The following NSMCE2 variants were observed in gnomAD, a reference collection of about 807,000 sequenced individuals.
NSMCE2 encodes E3 SUMO-protein ligase NSE2.
A neutral mutation model predicts 23.8 loss-of-function variants in NSMCE2; 24 were observed. The observed-to-expected ratio is 1.01, with a 90% CI of 0.73 to 1.42. The LOEUF (loss-of-function observed/expected upper bound fraction) is 1.42. Ranked by LOEUF, NSMCE2 falls within the 40% of genes most tolerant of loss-of-function variation. The pLI, the probability that NSMCE2 is intolerant of heterozygous loss-of-function variation, is 0.00. For missense variants in NSMCE2, 284 were observed against 296.5 expected (o/e 0.96, Z 0.31); for synonymous variants, 92 against 94.1 (o/e 0.98, Z 0.13).
rs71295847 is a variant in NSMCE2 at position 125,333,505 on chromosome 8, CTTTTTTTTTT to C, written c.419-23696_419-23687del. ...TTCTAATGTAGTTTTCCTGGTGGTT[CTTTTTTTTTT>C]TTTTTTTTTTTTTTTTTGAGACGGA... is the stretch of plus-strand genomic sequence containing the variant. On this transcript the variant is annotated intron_variant, in intron 5 of 7. Coordinates refer to ENST00000287437, the MANE Select transcript of NSMCE2 (RefSeq NM_173685.4). Among the ~76,000 whole-genome samples the C allele has an allele frequency of 1.3e-4, 6 of 45,628 alleles. 1 individual carries two copies. Among genetic ancestry groups the C allele is most frequent in the African/African-American group, 3.8e-4 (4 of 10,594 alleles). The allele number at this position is 45,628 out of a possible 152,430, so 29.9% of individuals were successfully genotyped here.
intron 5 of NSMCE2, among the ~76,000 whole-genome samples, chr8:125,322,518 A>G (rs866549578): frequency 6.6e-6 from 1 of 152,238 alleles, no homozygotes; most frequent in African/African-American, 2.4e-5. Flanking sequence ...ATATAACATC[A>G]TACTTCATGG....
At chr8:125,094,271 A>G (rs1000810062) in intron 1 of NSMCE2, among the ~76,000 whole-genome samples, 3 of 152,208 alleles carry the variant, frequency 2.0e-5, no homozygotes, top group Admixed American at 2.0e-4. Flanking sequence ...GATAGTCACT[A>G]ACAAAGTGGA....
intron 5 of NSMCE2, among the ~76,000 whole-genome samples, chr8:125,306,654 C>A (rs889099930): frequency 2.0e-5 from 3 of 152,172 alleles, no homozygotes; most frequent in African/African-American, 7.2e-5. Context: ...AATTCCCAAG[C>A]CTTCATATTG....
chr8:125,311,420 T>C (rs1828968961), intron 5 of NSMCE2, among the ~76,000 whole-genome samples: 1 of 152,246 alleles, frequency 6.6e-6, no homozygotes, highest in South Asian at 2.1e-4. Context: ...ACCTTGGACT[T>C]TCAAAAACAT....
chr8:125,213,728 C>CCTTCCTTCCTTCCTTATTTT (rs1370455100), intron 5 of NSMCE2, among the ~76,000 whole-genome samples: 17 of 148,784 alleles, frequency 1.1e-4, no homozygotes, highest in Non-Finnish European at 2.2e-4. Context: ...TTCCTTATTT[C>CCTTCCTTCCTTCCTTATTTT]CTTCCTTCCT....
chr8:125,095,888 A>C (rs1817904773), intron 1 of NSMCE2, among the ~76,000 whole-genome samples: 1 of 151,726 alleles, frequency 6.6e-6, no homozygotes, highest in African/African-American at 2.4e-5. Flanking sequence ...ATCTCAAAAA[A>C]AAAAAAAAAA....
chr8:125,177,344 T>C (rs1253965485), intron 4 of NSMCE2, among the ~76,000 whole-genome samples: 1 of 152,178 alleles, frequency 6.6e-6, no homozygotes, highest in Non-Finnish European at 1.5e-5. Flanking sequence ...TTTTTTCTCC[T>C]CTATCATAAC....
intron 5 of NSMCE2, among the ~76,000 whole-genome samples, chr8:125,239,822 A>G (rs1054505144): frequency 1.3e-5 from 2 of 152,218 alleles, no homozygotes; most frequent in Admixed American, 1.3e-4. Flanking sequence ...TGCATGAGAT[A>G]GTATCAAGAT....
At chr8:125,193,647 G>A in intron 5 of NSMCE2, among the ~76,000 whole-genome samples, 1 of 152,192 alleles carries the variant, frequency 6.6e-6, no homozygotes, top group South Asian at 2.1e-4. Context: ...TTGGTTAGGA[G>A]TGACAAGCAT....
At chr8:125,340,958 AGCCT>A (rs1830223863) in intron 5 of NSMCE2, among the ~76,000 whole-genome samples, 1 of 152,098 alleles carries the variant, frequency 6.6e-6, no homozygotes, top group Admixed American at 6.6e-5. Flanking sequence ...ATTTATTTTT[AGCCT>A]GCCTCCTTTA....
intron 5 of NSMCE2, among the ~76,000 whole-genome samples, chr8:125,198,094 C>T (rs1052338917): frequency 5.9e-5 from 9 of 152,150 alleles, no homozygotes; most frequent in African/African-American, 1.7e-4. Flanking sequence ...TGGGCTCAGA[C>T]GATGGGGTTT....
chr8:125,356,237 G>C (rs890252868), intron 5 of NSMCE2, among the ~76,000 whole-genome samples: 2 of 126,490 alleles, frequency 1.6e-5, no homozygotes, highest in Non-Finnish European at 3.6e-5. Context: ...TGTGTGTATG[G>C]GGGGGGGTGT....
At chr8:125,365,122 G>A (rs75886683) in intron 7 of NSMCE2, among the ~76,000 whole-genome samples, 4,971 of 152,052 alleles carry the variant, frequency 0.033, 121 homozygotes, top group African/African-American at 0.071. Context: ...AGTCCCAGTG[G>A]CCCACTCAGT....
chr8:125,114,149 CT>C (rs1044292037), intron 3 of NSMCE2, among the ~76,000 whole-genome samples: 3 of 152,100 alleles, frequency 2.0e-5, no homozygotes, highest in Non-Finnish European at 2.9e-5. Flanking sequence ...CATCCCACTC[CT>C]TTCAGAATCT....
At chr8:125,166,202 G>A (rs72720552) in intron 4 of NSMCE2, among the ~76,000 whole-genome samples, 6 of 152,168 alleles carry the variant, frequency 3.9e-5, no homozygotes, top group Non-Finnish European at 5.9e-5. Flanking sequence ...AAAATGTTAC[G>A]ATCTCAAAAT....
chr8:125,216,790 A>G (rs767487107), intron 5 of NSMCE2, among the ~76,000 whole-genome samples: 28 of 152,210 alleles, frequency 1.8e-4, no homozygotes, highest in Non-Finnish European at 3.5e-4. Flanking sequence ...TTCTTTTTGT[A>G]GACATTTAAA....
intron 5 of NSMCE2, among the ~76,000 whole-genome samples, chr8:125,338,932 C>T (rs924105624): frequency 3.9e-5 from 6 of 152,328 alleles, no homozygotes; most frequent in South Asian, 2.1e-4. Context: ...ACTAAATTCA[C>T]GCTCTGCCCT....
intron 5 of NSMCE2, among the ~76,000 whole-genome samples, chr8:125,212,708 A>C (rs926032757): frequency 2.6e-5 from 4 of 152,222 alleles, no homozygotes; most frequent in African/African-American, 9.6e-5. Context: ...TAATTTATTA[A>C]GATAACATTT....
At chr8:125,238,915 G>A (rs1825660033) in intron 5 of NSMCE2, among the ~76,000 whole-genome samples, 1 of 152,156 alleles carries the variant, frequency 6.6e-6, no homozygotes, top group African/African-American at 2.4e-5. Flanking sequence ...TCCTATTCCT[G>A]TATATTGTTA....
Sources: allele counts gnomAD v4.1 joint callset (sites outside exome capture counted in the v4.1 genomes callset), GRCh38; gene constraint gnomAD v4.1.1; transcripts MANE v1.5; gene names NCBI Gene and HGNC (gene_info 2026-07-23, HGNC 2026-07-21).